Variants in TLR2 observed in about 807,000 individuals in gnomAD.
TLR2 encodes toll-like receptor 2.
Under a neutral mutation model 9.1 loss-of-function variants are expected in TLR2, and 7 were observed. The ratio of observed to expected loss-of-function variants is 0.77; its 90% CI spans 0.44 to 1.44. TLR2 has a LOEUF of 1.44. TLR2 is among the 40% of genes most tolerant of loss of function. The pLI, the probability that TLR2 is intolerant of heterozygous loss-of-function variation, is 0.01. For missense variants in TLR2, 812 were observed against 904.6 expected (o/e 0.90, Z 1.31); for synonymous variants, 317 against 344.6 (o/e 0.92, Z 0.89).
In TLR2 at chr4:153,705,334, G is replaced by C. The variant is rs1560757351; in HGVS notation, c.*72G>C. 7.0e-7 allele frequency: 1 copy of C among 1,425,460 alleles called. No individual in the cohort carries two copies. Among genetic ancestry groups the C allele is most frequent in the Middle Eastern group, 2.0e-4 (1 of 5,118 alleles). The allele number at this position is 1,425,460 out of a possible 1,614,324, so 88.3% of individuals were successfully genotyped here. On this transcript the variant is annotated 3_prime_UTR_variant, in exon 3 of 3. Coordinates refer to ENST00000642700, the MANE Select transcript of TLR2 (RefSeq NM_001318789.2). The stretch of plus-strand genomic sequence containing the variant: ...CACTAGTTATAGTTAAGTTCATTCA[G>C]ACATAATTATATAAAAACTACGTGG...
intron 1 of TLR2, among the ~76,000 whole-genome samples, chr4:153,684,599 C>T (rs949703859): frequency 6.6e-6 from 1 of 152,340 alleles, no homozygotes; most frequent in South Asian, 2.1e-4. Flanking sequence ...CCAGCGAAGC[C>T]GGCTCAGGTC....
At chr4:153,708,566 C>G (rs1357383386), downstream of TLR2, among the ~76,000 whole-genome samples, 1 of 152,194 alleles carries the variant, frequency 6.6e-6, no homozygotes, top group African/African-American at 2.4e-5. Flanking sequence ...GTTCGGTAGA[C>G]AGCTAAGGCT....
rs556184814 is a variant in TLR2 at position 153,703,823 on chromosome 4, C to A, written c.916C>A (p.Pro306Thr). 1 of 1,613,900 alleles carries A rather than the reference C, an allele frequency of 6.2e-7. No individual in the cohort carries two copies. Among genetic ancestry groups the A allele is most frequent in the East Asian group, 2.2e-5 (1 of 44,870 alleles). Residue 306 changes from proline (P) to threonine (T), a missense_variant, in exon 3 of 3, where the codon CCA becomes ACA. Physicochemically the swap from Pro to Thr is conservative, Grantham distance 38. Transcript: ENST00000642700. Reference sequence around the variant, plus strand: ...ATCTGATAATGACAGAGTTATAGATCCAGGTAAAGTGGAAACGTTAACAAT... The same window carrying A: ...ATCTGATAATGACAGAGTTATAGATACAGGTAAAGTGGAAACGTTAACAAT... ...RASDNDRVID[P>T]GKVETLTIRR... is the part of the protein sequence containing the mutation.
downstream of TLR2, among the ~76,000 whole-genome samples, chr4:153,707,202 C>T (rs139246309): frequency 2.0e-4 from 31 of 152,148 alleles, no homozygotes; most frequent in African/African-American, 6.3e-4. Flanking sequence ...TTGGGGAACT[C>T]GCATAGGGCT....
In TLR2 at chr4:153,697,505, C is replaced by A. The variant is rs574672119; in HGVS notation, c.-16-5387C>A. On this transcript the variant is annotated intron_variant, in intron 2 of 2. Coordinates refer to ENST00000642700, the MANE Select transcript of TLR2 (RefSeq NM_001318789.2). ...TGCCTTTGAAGTCTTTTACCAATCA[C>A]TCTAGTTAAATGAATAAATATTGTT... Among the ~76,000 whole-genome samples the A allele has an allele frequency of 2.6e-5, 4 of 152,208 alleles. No individual in the cohort carries two copies. In the East Asian group the frequency reaches 7.7e-4, roughly 29 times the overall value.
At chr4:153,707,283 G>T (rs1188149251), downstream of TLR2, among the ~76,000 whole-genome samples, 1 of 152,080 alleles carries the variant, frequency 6.6e-6, no homozygotes, top group East Asian at 1.9e-4. Context: ...AAAAAATCAG[G>T]CTTGGTGTAA....
rs778055303 is a variant in TLR2, at chr4:153,703,792, T to C, written c.885T>C (p.Phe295=). The part of the protein sequence containing the change: ...DDCTLNGVGN[F]RASDNDRVID... Reference sequence around the variant, plus strand: ...GTACCCTTAATGGAGTTGGTAATTTTAGAGCATCTGATAATGACAGAGTTA... The same window carrying C: ...GTACCCTTAATGGAGTTGGTAATTTCAGAGCATCTGATAATGACAGAGTTA... Residue 295 remains phenylalanine (F), a synonymous_variant, in exon 3 of 3, where the codon TTT becomes TTC. Coordinates refer to ENST00000642700, the MANE Select transcript of TLR2 (RefSeq NM_001318789.2). 44 of 1,613,980 alleles carry C rather than the reference T, an allele frequency of 2.7e-5. No homozygotes were observed. Among genetic ancestry groups the C allele is most frequent in the Admixed American group, 5.0e-5 (3 of 60,004 alleles).
intron 2 of TLR2, among the ~76,000 whole-genome samples, chr4:153,693,743 A>G (rs113378982): frequency 0.027 from 4,154 of 152,280 alleles, 73 homozygotes; most frequent in Non-Finnish European, 0.041. Flanking sequence ...CCAAGGTGGA[A>G]TGAGCTAGAG....
At position 153,698,569 on chromosome 4, in the gene TLR2, C is replaced by T. The variant is rs543414445; in HGVS notation, c.-16-4323C>T. Among the ~76,000 whole-genome samples the T allele has an allele frequency of 4.0e-4, 61 of 152,142 alleles. 1 individual carries two copies. In the South Asian group the frequency reaches 0.012, roughly 29 times the overall value. On this transcript the variant is annotated intron_variant, in intron 2 of 2. Transcript: ENST00000642700. ...CTATGACTCATCACAGAATAGATAA[C>T]GTGAAATTATGAAAAAATATTGGTG...
downstream of TLR2, among the ~76,000 whole-genome samples, chr4:153,707,509 C>G (rs912814083): frequency 5.9e-5 from 9 of 151,958 alleles, no homozygotes; most frequent in Non-Finnish European, 1.0e-4. Context: ...GTGATTGCAC[C>G]ACTGCACTCC....
intron 1 of TLR2, among the ~76,000 whole-genome samples, chr4:153,686,089 T>C (rs991790099): frequency 1.3e-5 from 2 of 152,210 alleles, no homozygotes; most frequent in African/African-American, 4.8e-5. Context: ...ACTGCTCCCT[T>C]GGTGATAACA....
chr4:153,702,449 C>T lies in TLR2; in HGVS notation c.-16-443C>T, dbSNP rs78870609. 1,494 of 154,530 alleles carry T rather than the reference C, an allele frequency of 9.7e-3. 14 individuals carry two copies. The highest frequency in any genetic ancestry group is 0.032 in the African/African-American group (1,344 of 41,556). 9.6% of individuals were successfully genotyped at this position (154,530 alleles called of 1,614,324 possible). A position where few individuals can be genotyped will look rare whatever the true frequency, so the allele number is the denominator to read the frequency against. Reference sequence around the variant, plus strand: ...TCTGTGAGATCTCTATGAATCAAGGCGGCCACTGAAGCGGAGAAAAGAAAT... The same window carrying T: ...TCTGTGAGATCTCTATGAATCAAGGTGGCCACTGAAGCGGAGAAAAGAAAT... On this transcript the variant is annotated intron_variant, in intron 2 of 2. Coordinates refer to ENST00000642700, the MANE Select transcript of TLR2 (RefSeq NM_001318789.2).
chr4:153,695,801 A>C (rs1736450768), intron 2 of TLR2, among the ~76,000 whole-genome samples: 1 of 152,190 alleles, frequency 6.6e-6, no homozygotes, highest in Non-Finnish European at 1.5e-5. Flanking sequence ...TAATAGTTTC[A>C]TAGTTTGATG....
intron 2 of TLR2, among the ~76,000 whole-genome samples, chr4:153,699,937 T>C (rs532554069): frequency 6.6e-6 from 1 of 152,320 alleles, no homozygotes; most frequent in South Asian, 2.1e-4. Flanking sequence ...TGAAGCTGGG[T>C]AATTTATAAA....
At chr4:153,702,619 T>A (rs2127060186) in intron 2 of TLR2, 1 of 341,800 alleles carries the variant, frequency 2.9e-6, no homozygotes, top group Non-Finnish European at 5.3e-6. Flanking sequence ...TATTGAGTCT[T>A]GCTCTGTAAT....
In TLR2 at chr4:153,703,039, C is replaced by A; in HGVS notation, c.132C>A (p.Asn44Lys). 1 of 1,614,048 alleles carries A rather than the reference C, an allele frequency of 6.2e-7. No individual in the cohort carries two copies. Among genetic ancestry groups the A allele is most frequent in the Non-Finnish European group, 8.5e-7 (1 of 1,180,020 alleles). Reference sequence around the variant, plus strand: ...GCAAGGGCAGCTCAGGATCTTTAAACTCCATTCCCTCAGGGCTCACAGAAG... The same window carrying A: ...GCAAGGGCAGCTCAGGATCTTTAAAATCCATTCCCTCAGGGCTCACAGAAG... ...GICKGSSGSL[N>K]SIPSGLTEAV... is the part of the protein sequence containing the mutation. Residue 44 changes from asparagine (N) to lysine (K), a missense_variant, in exon 3 of 3, where the codon AAC becomes AAA. Coordinates refer to ENST00000642700, the MANE Select transcript of TLR2 (RefSeq NM_001318789.2).
intron 1 of TLR2, among the ~76,000 whole-genome samples, chr4:153,686,639 T>G (rs1230690334): frequency 6.6e-6 from 1 of 152,110 alleles, no homozygotes; most frequent in Non-Finnish European, 1.5e-5. Context: ...AAGGTTTCAC[T>G]GAGAAGAAAT....
In TLR2 at chr4:153,705,955, C is replaced by T. The variant is rs1188741650; in HGVS notation, c.*693C>T. Reference sequence around the variant, plus strand: ...TGTGGCCACAAAAGGCATTCTCTGTCCTACCTAGCTGTCACTTCTCTGTGC... The same window carrying T: ...TGTGGCCACAAAAGGCATTCTCTGTTCTACCTAGCTGTCACTTCTCTGTGC... On this transcript the variant is annotated 3_prime_UTR_variant, in exon 3 of 3. Coordinates refer to ENST00000642700, the MANE Select transcript of TLR2 (RefSeq NM_001318789.2). 6.6e-6 allele frequency among the ~76,000 whole-genome samples: 1 copy of T among 152,188 alleles called. No homozygotes were observed. Among genetic ancestry groups the T allele is most frequent in the East Asian group, 1.9e-4 (1 of 5,200 alleles).
Position 153,706,018 on chromosome 4 carries a change from C to T in TLR2, c.*756C>T, listed in dbSNP as rs1401168152. Among the ~76,000 whole-genome samples, 1 of 152,184 alleles carries T rather than the reference C, an allele frequency of 6.6e-6. No individual in the cohort carries two copies. The highest frequency in any genetic ancestry group is 1.5e-5 in the Non-Finnish European group (1 of 68,020). ...GAGCAACAAGGCAAAGTATTTGGGG[C>T]ACTCCCCAAAACTTGTTGCTATTCC... On this transcript the variant is annotated 3_prime_UTR_variant, in exon 3 of 3. Coordinates refer to ENST00000642700, the MANE Select transcript of TLR2 (RefSeq NM_001318789.2).
Sources: gnomAD v4.1 joint callset for allele counts (sites outside exome capture counted in the v4.1 genomes callset) on GRCh38, gnomAD v4.1.1 for gene constraint, MANE v1.5 for transcripts, NCBI Gene and HGNC (gene_info 2026-07-23, HGNC 2026-07-21) for gene names.